CIBAR1: variants seen among roughly 807,000 people sequenced by gnomAD.
CIBAR1 encodes CBY1 interacting BAR domain containing 1.
Under a neutral mutation model 44.0 loss-of-function variants are expected in CIBAR1, and 25 were observed. The ratio of observed to expected loss-of-function variants is 0.57; its 90% CI spans 0.41 to 0.79. CIBAR1 has a LOEUF of 0.79. CIBAR1 is among the 30% of genes least tolerant of loss of function. The pLI, the probability that CIBAR1 is intolerant of heterozygous loss-of-function variation, is 0.00. For missense variants in CIBAR1, 278 were observed against 344.8 expected (o/e 0.81, Z 1.53); for synonymous variants, 115 against 119.0 (o/e 0.97, Z 0.22).
chr8:93,703,132 T>A (rs957106842), intron 2 of CIBAR1, among the ~76,000 whole-genome samples: 1 of 152,302 alleles, frequency 6.6e-6, no homozygotes, highest in South Asian at 2.1e-4. Flanking sequence ...AATTCACAAA[T>A]GGCTTCTCAG....
chr8:93,717,735 A>T (rs1811088646), intron 6 of CIBAR1, among the ~76,000 whole-genome samples: 1 of 152,226 alleles, frequency 6.6e-6, no homozygotes, highest in Non-Finnish European at 1.5e-5. Flanking sequence ...AATATAATCC[A>T]TGCTTGAGTA....
At chr8:93,723,195 A>G (rs1038731676) in intron 7 of CIBAR1, among the ~76,000 whole-genome samples, 32 of 152,122 alleles carry the variant, frequency 2.1e-4, no homozygotes, top group African/African-American at 7.7e-4. Context: ...ATGGGGTTTC[A>G]CCATGTTAGC....
At chr8:93,725,430 T>C (rs1271618671) in intron 7 of CIBAR1, among the ~76,000 whole-genome samples, 1 of 151,926 alleles carries the variant, frequency 6.6e-6, no homozygotes, top group Non-Finnish European at 1.5e-5. Flanking sequence ...AGGGGGTCAG[T>C]GAGGATGAAG....
rs956275237 is a variant in CIBAR1 at position 93,730,838 on chromosome 8, G to A, written c.*2541G>A. 1 of 152,072 alleles carries A rather than the reference G, an allele frequency of 6.6e-6. No individual in the cohort carries two copies. The highest frequency in any genetic ancestry group is 1.5e-5 in the Non-Finnish European group (1 of 68,022). The allele number at this position is 152,072 out of a possible 1,614,324, so 9.4% of individuals were successfully genotyped here. On this transcript the variant is annotated 3_prime_UTR_variant, in exon 9 of 9. Coordinates refer to ENST00000518322, the MANE Select transcript of CIBAR1 (RefSeq NM_145269.5). ...GCCCTGATACATTATAGGGTAAAAG[G>A]AAATATTCATATAAATTAATTTAAA...
intron 7 of CIBAR1, among the ~76,000 whole-genome samples, chr8:93,724,315 A>G (rs891342417): frequency 7.2e-5 from 11 of 152,172 alleles, no homozygotes; most frequent in Admixed American, 1.3e-4. Flanking sequence ...TGAGAAATGT[A>G]TAAGTTTTAT....
chr8:93,716,996 C>A (rs775886728), intron 6 of CIBAR1, among the ~76,000 whole-genome samples: 2 of 152,176 alleles, frequency 1.3e-5, no homozygotes, highest in Non-Finnish European at 2.9e-5. Context: ...TTAGTCATTA[C>A]ATCCAATTTA....
At chr8:93,726,629 A>G (rs1811519968) in intron 8 of CIBAR1, 116 bp downstream of exon 8, 1 of 1,192,350 alleles carries the variant, frequency 8.4e-7, no homozygotes, top group Non-Finnish European at 1.2e-6. Flanking sequence ...CCCTGGACCT[A>G]TTTCTTCTCT....
chr8:93,711,058 T>C (rs1467866542), intron 6 of CIBAR1, among the ~76,000 whole-genome samples: 1 of 152,218 alleles, frequency 6.6e-6, no homozygotes, highest in Non-Finnish European at 1.5e-5. Context: ...TATGATATGG[T>C]ATCTTAGTCA....
At chr8:93,714,733 C>G (rs527667535) in intron 6 of CIBAR1, among the ~76,000 whole-genome samples, 1 of 152,184 alleles carries the variant, frequency 6.6e-6, no homozygotes, top group South Asian at 2.1e-4. Flanking sequence ...ATCCTCCCAC[C>G]TCAACCTCCC....
At chr8:93,703,770 A>C in intron 3 of CIBAR1, 82 bp downstream of exon 3, 1 of 1,220,574 alleles carries the variant, frequency 8.2e-7, no homozygotes, top group Non-Finnish European at 1.1e-6. Context: ...TTAAATAAGA[A>C]ATACAAAGTA....
intron 2 of CIBAR1, 41 bp downstream of exon 2, chr8:93,701,499 A>G (rs771338008): frequency 2.6e-5 from 40 of 1,547,164 alleles, no homozygotes; most frequent in South Asian, 4.6e-5. Context: ...TGAATGAGCC[A>G]TGAAGTAGTG....
At chr8:93,724,686 C>T (rs1476115126) in intron 7 of CIBAR1, 2 of 1,162,966 alleles carry the variant, frequency 1.7e-6, no homozygotes, top group Non-Finnish European at 2.2e-6. Context: ...TCTAGAGCTA[C>T]ACGGTTCAGT....
chr8:93,712,054 C>G (rs1339692239), intron 6 of CIBAR1, among the ~76,000 whole-genome samples: 2 of 152,086 alleles, frequency 1.3e-5, no homozygotes, highest in Non-Finnish European at 2.9e-5. Flanking sequence ...GTCTCTTGGT[C>G]ACAGAAGAAA....
In CIBAR1 at chr8:93,701,354, A is replaced by C. The variant is rs753376562; in HGVS notation, c.157A>C (p.Asn53His). ...GAGAGACAAAGCAGACCTCCTGGTG[A>C]ATGAAATTAACGCGTATGCTGCTAC... ...RLRDKADLLV[N>H]EINAYAATET... The change falls in exon 2 of 9, where the codon AAT becomes CAT. Residue 53 changes from asparagine (N) to histidine (H), a missense_variant. Around this residue, in one of 3 missense-constraint regions of CIBAR1, gnomAD observed 183 missense variants for 218.6 expected, o/e 0.84. Coordinates refer to ENST00000518322, the MANE Select transcript of CIBAR1 (RefSeq NM_145269.5). 1 of 1,613,880 alleles carries C rather than the reference A, an allele frequency of 6.2e-7. No homozygotes were observed. Among genetic ancestry groups the C allele is most frequent in the South Asian group, 1.1e-5 (1 of 91,076 alleles).
chr8:93,701,002 G>T, intron 1 of CIBAR1: 2 of 1,419,470 alleles, frequency 1.4e-6, no homozygotes, highest in Non-Finnish European at 1.8e-6. Context: ...CCCCAGTTAA[G>T]GCCAGGCCCA....
At chr8:93,713,794 T>C (rs1242659068) in intron 6 of CIBAR1, among the ~76,000 whole-genome samples, 1 of 152,228 alleles carries the variant, frequency 6.6e-6, no homozygotes, top group Non-Finnish European at 1.5e-5. Flanking sequence ...TTGATGTGGT[T>C]TTACTTCTGG....
At chr8:93,714,719 A>G (rs1810974691) in intron 6 of CIBAR1, among the ~76,000 whole-genome samples, 1 of 151,944 alleles carries the variant, frequency 6.6e-6, no homozygotes, top group Admixed American at 6.6e-5. Context: ...CCTGGGCTCA[A>G]GCAATCCTCC....
intron 8 of CIBAR1, 107 bp downstream of exon 8, chr8:93,726,620 C>A (rs1023562817): frequency 3.1e-6 from 4 of 1,293,342 alleles, no homozygotes; most frequent in Non-Finnish European, 4.3e-6. Flanking sequence ...CTTATCCTCC[C>A]CTGGACCTAT....
At chr8:93,720,529 A>T (rs1460689760) in intron 7 of CIBAR1, among the ~76,000 whole-genome samples, 1 of 152,158 alleles carries the variant, frequency 6.6e-6, no homozygotes, top group African/African-American at 2.4e-5. Flanking sequence ...CAAACACTAC[A>T]GCTAAGGTTT....
Sources: allele counts gnomAD v4.1 joint callset (sites outside exome capture counted in the v4.1 genomes callset), GRCh38; gene constraint gnomAD v4.1.1; regional missense constraint gnomAD v4.1.1; transcripts MANE v1.5; gene names NCBI Gene and HGNC (gene_info 2026-07-23, HGNC 2026-07-21).